Variants in KSR1 observed in about 807,000 individuals in gnomAD.
The protein encoded by KSR1 is kinase suppressor of ras 1.
KSR1 carries 35 observed loss-of-function variants against 92.9 expected under a neutral mutation model. The observed-to-expected ratio is 0.38, with a 90% CI of 0.29 to 0.50. KSR1 has a LOEUF of 0.50. Ranked by LOEUF, KSR1 falls within the 20% of genes least tolerant of loss-of-function variation. The pLI, the probability that KSR1 is intolerant of heterozygous loss-of-function variation, is 0.94. For synonymous variants in KSR1, 467 were observed against 472.6 expected (o/e 0.99, Z 0.15); for missense variants, 972 against 1,158.5 (o/e 0.84, Z 2.34).
At chr17:27,523,768 G>A (rs1694311935) in intron 1 of KSR1, among the ~76,000 whole-genome samples, 1 of 152,228 alleles carries the variant, frequency 6.6e-6, no homozygotes, top group Admixed American at 6.5e-5. Context: ...GATGGCTGCT[G>A]GAGGTCCAGC....
intron 2 of KSR1, among the ~76,000 whole-genome samples, chr17:27,555,741 C>T (rs2071571772): frequency 6.6e-6 from 1 of 152,300 alleles, no homozygotes; most frequent in East Asian, 1.9e-4. Flanking sequence ...CCATTTTAAT[C>T]ATTTCTAAGT....
intron 1 of KSR1, among the ~76,000 whole-genome samples, chr17:27,535,760 T>C (rs902161578): frequency 1.3e-5 from 2 of 152,236 alleles, no homozygotes; most frequent in African/African-American, 4.8e-5. Context: ...CTGTGTCATA[T>C]TGTTTTGTCT....
At chr17:27,581,368 G>A (rs2072747223) in intron 3 of KSR1, among the ~76,000 whole-genome samples, 1 of 152,112 alleles carries the variant, frequency 6.6e-6, no homozygotes, top group African/African-American at 2.4e-5. Flanking sequence ...AGACATTCAA[G>A]GCCCTTCCTG....
intron 1 of KSR1, among the ~76,000 whole-genome samples, chr17:27,509,930 T>G (rs918412858): frequency 2.6e-5 from 4 of 152,234 alleles, no homozygotes; most frequent in African/African-American, 9.6e-5. Flanking sequence ...AGCCTTGGCT[T>G]TAATCTCCTT....
In KSR1 at chr17:27,618,044, C is replaced by T. The variant is rs73983668; in HGVS notation, c.2627+616C>T. ...GCCAGGCCAGGACTAGAAGGCTCTG[C>T]TGAGGGAGGGGCAAGATGGGGCCAG... On this transcript the variant is annotated intron_variant, in intron 19 of 20. Transcript: ENST00000644974. Among the ~76,000 whole-genome samples the T allele has an allele frequency of 4.4e-3, 667 of 152,280 alleles. 10 individuals carry two copies. The highest frequency in any genetic ancestry group is 0.015 in the African/African-American group (635 of 41,542).
rs2072811453 is a variant in KSR1 at position 27,582,699 on chromosome 17, A to G, written c.574A>G (p.Ser192Gly). 3.1e-6 allele frequency: 5 copies of G among 1,613,576 alleles called. No individual in the cohort carries two copies. The African/African-American group carries it at 5.3e-5, about 17-fold the overall frequency. ...SWSSLDARRE[S>G]GSGPSTDTLS... ...GAGTTCATTGGATGCGCGGCGGGAAAGTGGCTCAGGGCCTTCCACGGACAC... is the reference window on the plus strand; with the variant it reads ...GAGTTCATTGGATGCGCGGCGGGAAGGTGGCTCAGGGCCTTCCACGGACAC... The change falls in exon 4 of 21, where the codon AGT becomes GGT. Residue 192 changes from serine (S) to glycine (G), a missense_variant. By Grantham distance (56) the Ser-to-Gly change is moderately conservative. Around this residue, in one of 5 missense-constraint regions of KSR1, gnomAD observed 611 missense variants for 668.0 expected, o/e 0.91. Coordinates refer to ENST00000644974, the MANE Select transcript of KSR1 (RefSeq NM_001394583.1).
At chr17:27,552,171 G>A (rs889531611) in intron 2 of KSR1, among the ~76,000 whole-genome samples, 11 of 152,054 alleles carry the variant, frequency 7.2e-5, no homozygotes, top group East Asian at 1.9e-4. Context: ...TCTCGCCTGC[G>A]CACCTGAGTT....
At chr17:27,463,771 T>A (rs146313432) in intron 1 of KSR1, among the ~76,000 whole-genome samples, 111 of 152,338 alleles carry the variant, frequency 7.3e-4, no homozygotes, top group Middle Eastern at 3.4e-3. Context: ...TCTTGATCAC[T>A]TGAGGCTCAT....
chr17:27,536,714 C>T (rs60164343), intron 1 of KSR1, among the ~76,000 whole-genome samples: 13,999 of 152,218 alleles, frequency 0.092, 738 homozygotes, highest in South Asian at 0.17. Flanking sequence ...AAAGTGGCAC[C>T]GGCCATTGAT....
chr17:27,565,940 C>T (rs1031468335), intron 2 of KSR1, among the ~76,000 whole-genome samples: 2 of 152,064 alleles, frequency 1.3e-5, no homozygotes, highest in African/African-American at 4.8e-5. Context: ...GGAGTTTTGA[C>T]AGCTGAGCAT....
In KSR1 at chr17:27,479,066, A is replaced by G. The variant is rs76161660; in HGVS notation, c.231+22192A>G. On this transcript the variant is annotated intron_variant, in intron 1 of 20. Transcript: ENST00000644974. Reference sequence around the variant, plus strand: ...TCCATCCATGCTCCTCCCTCCATCTATGCTCCTCCCTCCCTCCATGCTCTT... The same window carrying G: ...TCCATCCATGCTCCTCCCTCCATCTGTGCTCCTCCCTCCCTCCATGCTCTT... 7.2e-3 allele frequency among the ~76,000 whole-genome samples: 937 copies of G among 130,756 alleles called. 1 individual carries two copies. The highest frequency in any genetic ancestry group is 0.035 in the Middle Eastern group (6 of 170). 85.8% of individuals were successfully genotyped at this position (130,756 alleles called of 152,430 possible). A position where few individuals can be genotyped will look rare whatever the true frequency, so the allele number is the denominator to read the frequency against.
chr17:27,618,570 G>A (rs1428619993), intron 19 of KSR1, among the ~76,000 whole-genome samples: 3 of 152,220 alleles, frequency 2.0e-5, no homozygotes, highest in Admixed American at 6.5e-5. Context: ...GCAGTGGGCC[G>A]AGCACCATCT....
chr17:27,562,440 T>C (rs1393542438), intron 2 of KSR1, among the ~76,000 whole-genome samples: 3 of 150,580 alleles, frequency 2.0e-5, no homozygotes, highest in Non-Finnish European at 3.0e-5. Flanking sequence ...GGTGGCCTGC[T>C]GAATCCCAGG....
chr17:27,597,237 C>G (rs1263053735), intron 9 of KSR1, 31 bp from the exon 10 acceptor site: 1 of 1,555,410 alleles, frequency 6.4e-7, no homozygotes, highest in Non-Finnish European at 8.7e-7. Context: ...CCAGGACAGC[C>G]CTGCCATTCC....
chr17:27,487,384 G>A (rs1196240913), intron 1 of KSR1, among the ~76,000 whole-genome samples: 8 of 152,246 alleles, frequency 5.3e-5, no homozygotes, highest in Non-Finnish European at 1.2e-4. Context: ...GCCATGAGCC[G>A]AGATCGCGCC....
intron 12 of KSR1, among the ~76,000 whole-genome samples, chr17:27,604,335 G>A (rs759710354): frequency 2.6e-5 from 4 of 152,200 alleles, no homozygotes; most frequent in Non-Finnish European, 4.4e-5. Flanking sequence ...GCTAGGAAGC[G>A]ATAGAGCTGG....
chr17:27,515,611 GTTTT>G (rs770675553), intron 1 of KSR1, among the ~76,000 whole-genome samples: 2 of 109,048 alleles, frequency 1.8e-5, no homozygotes, highest in East Asian at 2.8e-4. Flanking sequence ...CTGCTTCGTA[GTTTT>G]TTTTTTTTTT....
intron 10 of KSR1, among the ~76,000 whole-genome samples, chr17:27,598,920 A>G (rs1309028608): frequency 6.6e-6 from 1 of 152,130 alleles, no homozygotes; most frequent in East Asian, 1.9e-4. Context: ...CACGCCTCCT[A>G]TCGTCCCCTG....
intron 1 of KSR1, among the ~76,000 whole-genome samples, chr17:27,497,014 C>T (rs2069011234): frequency 1.3e-5 from 2 of 152,230 alleles, no homozygotes; most frequent in African/African-American, 4.8e-5. Context: ...CCTTCCTGCT[C>T]TGGTGTTTTC....
Sources: allele counts gnomAD v4.1 joint callset (sites outside exome capture counted in the v4.1 genomes callset), GRCh38; gene constraint gnomAD v4.1.1; regional missense constraint gnomAD v4.1.1; transcripts MANE v1.5; gene names NCBI Gene and HGNC (gene_info 2026-07-23, HGNC 2026-07-21).